WNK2: variants seen among roughly 807,000 people sequenced by gnomAD.
WNK2 encodes the protein WNK lysine deficient protein kinase 2, also known as serine/threonine-protein kinase WNK2.
In WNK2, 67 loss-of-function variants were observed where a neutral mutation model predicts 192.1. The observed-to-expected ratio is 0.35, with a 90% CI of 0.29 to 0.43. The LOEUF (loss-of-function observed/expected upper bound fraction) is 0.43. WNK2 is among the 20% of genes least tolerant of loss of function. The pLI, the probability that WNK2 is intolerant of heterozygous loss-of-function variation, is 1.00. For synonymous variants in WNK2, 1,439 were observed against 1,393.9 expected, an observed-to-expected ratio of 1.03 and a Z score of -0.72; for missense variants, 2,698 against 3,089.7, an observed-to-expected ratio of 0.87 and a Z score of 3.01.
Position 93,308,597 on chromosome 9 carries a change from C to T in WNK2, c.6516+13C>T, listed in dbSNP as rs374419080. Reference sequence around the variant, plus strand: ...CGAGGCGCGGGCTGTGAGTGCGGGGCGGGTGGGGCGGGTGCTCCTGGGGTG... The same window carrying T: ...CGAGGCGCGGGCTGTGAGTGCGGGGTGGGTGGGGCGGGTGCTCCTGGGGTG... On this transcript the variant is annotated intron_variant, in intron 28 of 29. Coordinates refer to ENST00000427277, the MANE Select transcript of WNK2 (RefSeq NM_006648.4). 1.1e-4 allele frequency: 36 copies of T among 313,780 alleles called. No homozygotes were observed. In the Admixed American group the frequency reaches 1.2e-3, roughly 10 times the overall value. The allele number at this position is 313,780 out of a possible 1,614,324, so 19.4% of individuals were successfully genotyped here. A position where few individuals can be genotyped will look rare whatever the true frequency, so the allele number is the denominator to read the frequency against.
chr9:93,192,433 G>T (rs1015025517), intron 2 of WNK2, among the ~76,000 whole-genome samples: 26 of 152,188 alleles, frequency 1.7e-4, no homozygotes, highest in Admixed American at 7.2e-4. Flanking sequence ...TAGGGGAAGG[G>T]CAGGCCTTGG....
intron 1 of WNK2, among the ~76,000 whole-genome samples, 161 bp downstream of exon 1, chr9:93,184,546 C>T (rs1360289619): frequency 1.3e-5 from 2 of 152,150 alleles, no homozygotes; most frequent in Non-Finnish European, 1.5e-5. Flanking sequence ...CTTCCCTATC[C>T]CCTTTACAGC....
intron 19 of WNK2, among the ~76,000 whole-genome samples, chr9:93,269,552 G>C (rs185207270): frequency 1.7e-4 from 26 of 152,302 alleles, no homozygotes; most frequent in Middle Eastern, 3.4e-3. Context: ...TAAAGGGCTT[G>C]GCCTCAGCCT....
At chr9:93,309,160 T>C (rs1853181015) in intron 28 of WNK2, 3 of 980,268 alleles carry the variant, frequency 3.1e-6, no homozygotes, top group Non-Finnish European at 3.6e-6. Flanking sequence ...GTGTTATTTC[T>C]ATCTCAAATA....
chr9:93,263,191 G>C (rs1159234003), intron 14 of WNK2: 2 of 400,194 alleles, frequency 5.0e-6, no homozygotes, highest in East Asian at 5.6e-5. Flanking sequence ...GGCACTGCCT[G>C]GGCTTGGCAT....
chr9:93,272,738 CAAAA>C (rs35641750), intron 19 of WNK2, among the ~76,000 whole-genome samples: 1 of 90,802 alleles, frequency 1.1e-5, no homozygotes, highest in Non-Finnish European at 2.0e-5. Context: ...AACTCCGTCT[CAAAA>C]AAAAAAAAAA....
intron 19 of WNK2, among the ~76,000 whole-genome samples, chr9:93,275,817 C>G (rs551762236): frequency 4.7e-4 from 72 of 152,268 alleles, no homozygotes; most frequent in Non-Finnish European, 9.7e-4. Context: ...TGGCAGTGAA[C>G]AATTGAAAAC....
intron 2 of WNK2, among the ~76,000 whole-genome samples, chr9:93,210,793 T>A (rs1020853911): frequency 2.0e-5 from 3 of 152,158 alleles, no homozygotes; most frequent in Non-Finnish European, 1.5e-5. Context: ...AGATGCTCAT[T>A]GTCTCTTTTA....
chr9:93,217,878 G>A (rs977768751), intron 2 of WNK2, among the ~76,000 whole-genome samples: 4 of 152,208 alleles, frequency 2.6e-5, no homozygotes, highest in African/African-American at 9.6e-5. Flanking sequence ...CCTCTGGGGA[G>A]GAAAGGAAGT....
rs974042744 is a variant in WNK2, at chr9:93,247,465, G to A, written c.1543-78G>A. ...GTCCTGCGTGGATGAGCCAGTGATG[G>A]GAAAGCACTTTAGGTAAGGGGTGTG... On this transcript the variant is annotated intron_variant, in intron 7 of 29. Transcript: ENST00000427277. The surrounding 1 kb of genome is among the most constrained non-coding windows in gnomAD (Gnocchi z 5.2). 6.6e-7 allele frequency: 1 copy of A among 1,505,332 alleles called. No individual in the cohort carries two copies. The highest frequency in any genetic ancestry group is 1.4e-5 in the African/African-American group (1 of 72,436). The allele number at this position is 1,505,332 out of a possible 1,614,324, so 93.2% of individuals were successfully genotyped here.
intron 2 of WNK2, among the ~76,000 whole-genome samples, chr9:93,208,733 C>CATGTGTGTTT (rs1833896677): frequency 4.6e-4 from 3 of 6,468 alleles, no homozygotes; most frequent in South Asian, 0.016. Flanking sequence ...CGTGCGTGTT[C>CATGTGTGTTT]TGTGTGTGTT....
intron 8 of WNK2, among the ~76,000 whole-genome samples, chr9:93,250,250 T>G (rs1012098946): frequency 2.0e-5 from 3 of 152,088 alleles, no homozygotes. Context: ...CACACAGACA[T>G]GCATGCCCCA....
intron 28 of WNK2, among the ~76,000 whole-genome samples, chr9:93,311,299 A>T (rs1168223113): frequency 2.0e-5 from 3 of 152,180 alleles, no homozygotes; most frequent in African/African-American, 7.2e-5. Context: ...TACCACATCC[A>T]TTCTCAGGGG....
chr9:93,285,401 T>C (rs1848308077), intron 19 of WNK2, among the ~76,000 whole-genome samples: 1 of 152,214 alleles, frequency 6.6e-6, no homozygotes, highest in Non-Finnish European at 1.5e-5. Flanking sequence ...GTTAGCAAAG[T>C]AGCTACAGAC....
At chr9:93,204,676 C>T (rs913852644) in intron 2 of WNK2, among the ~76,000 whole-genome samples, 1 of 152,216 alleles carries the variant, frequency 6.6e-6, no homozygotes, top group African/African-American at 2.4e-5. Flanking sequence ...TGTTTGCAGG[C>T]TCTGTGACAC....
Position 93,239,882 on chromosome 9 carries a change from C to A in WNK2, c.1448C>A (p.Pro483His). The change falls in exon 7 of 30, where the codon CCC becomes CAC. Residue 483 changes from proline to histidine, a missense_variant. This residue lies in a region of WNK2 where 230 missense variants were observed against 501.1 expected (regional missense o/e 0.46). Transcript: ENST00000427277. The surrounding 1 kb of genome is among the most constrained non-coding windows in gnomAD (Gnocchi z 4.2). ...TIALRLWVED[P>H]KKLKGKPKDN... ...GCCCTGAGGCTCTGGGTGGAAGACCCCAAGAAACTGAAGGGAAAGCCCAAG... is the reference window on the plus strand; with the variant it reads ...GCCCTGAGGCTCTGGGTGGAAGACCACAAGAAACTGAAGGGAAAGCCCAAG... 1 of 1,609,248 alleles carries A rather than the reference C, an allele frequency of 6.2e-7. No individual in the cohort carries two copies.
chr9:93,243,828 C>T (rs1364960539), intron 7 of WNK2, among the ~76,000 whole-genome samples: 2 of 152,246 alleles, frequency 1.3e-5, no homozygotes, highest in African/African-American at 4.8e-5. Flanking sequence ...GCCATGGACC[C>T]TAGACTGGAG....
At chr9:93,275,395 T>TA (rs34492909) in intron 19 of WNK2, among the ~76,000 whole-genome samples, 4,730 of 147,028 alleles carry the variant, frequency 0.032, 93 homozygotes, top group Non-Finnish European at 0.051. Context: ...CCAGGTATCT[T>TA]AAAAAAAAAA....
chr9:93,279,238 C>T (rs1291914888), intron 19 of WNK2, among the ~76,000 whole-genome samples: 1 of 152,166 alleles, frequency 6.6e-6, no homozygotes, highest in East Asian at 1.9e-4. Flanking sequence ...CCCAACACAA[C>T]TAGAATCAAT....
Sources: gnomAD v4.1 joint callset for allele counts (sites outside exome capture counted in the v4.1 genomes callset) on GRCh38, gnomAD v4.1.1 for gene constraint, gnomAD v4.1.1 regional missense constraint, Gnocchi (gnomAD v3.1) non-coding constraint, MANE v1.5 for transcripts, NCBI Gene and HGNC (gene_info 2026-07-23, HGNC 2026-07-21) for gene names.